Variants in MUSK observed in about 807,000 individuals in gnomAD.
MUSK encodes muscle, skeletal receptor tyrosine-protein kinase.
MUSK carries 55 observed loss-of-function variants against 88.7 expected under a neutral mutation model. That is an observed-to-expected ratio of 0.62 (90% CI 0.50 to 0.78). MUSK has a LOEUF of 0.78. Ranked by LOEUF, MUSK falls within the 30% of genes least tolerant of loss-of-function variation. The pLI is 0.00. For missense variants in MUSK, 1,015 were observed against 1,074.3 expected (o/e 0.94, Z 0.77); for synonymous variants, 387 against 391.9 (o/e 0.99, Z 0.15).
chr9:110,797,606 A>G (rs1161083858), intron 14 of MUSK, among the ~76,000 whole-genome samples: 1 of 152,174 alleles, frequency 6.6e-6, no homozygotes, highest in Admixed American at 6.5e-5. Flanking sequence ...CATTGTAGGC[A>G]CTCTATAAAT....
chr9:110,749,326 G>A (rs890110378), intron 7 of MUSK, among the ~76,000 whole-genome samples: 1 of 152,152 alleles, frequency 6.6e-6, no homozygotes, highest in Non-Finnish European at 1.5e-5. Context: ...AAGAGAGGCA[G>A]GATGTCAGGG....
chr9:110,788,659 G>A (rs1001662296), intron 14 of MUSK, among the ~76,000 whole-genome samples: 1 of 151,156 alleles, frequency 6.6e-6, no homozygotes, highest in Non-Finnish European at 1.5e-5. Context: ...AAAAATCTGT[G>A]CTCTCATAGA....
chr9:110,745,201 G>C (rs889035838), intron 6 of MUSK, among the ~76,000 whole-genome samples: 4 of 152,144 alleles, frequency 2.6e-5, no homozygotes, highest in African/African-American at 9.7e-5. Context: ...ATGAAGTCCA[G>C]GAGAAGAGAC....
chr9:110,687,355 G>A, intron 3 of MUSK, 87 bp downstream of exon 3: 4 of 1,489,782 alleles, frequency 2.7e-6, no homozygotes, highest in Non-Finnish European at 3.7e-6. Context: ...TTTTTTTTGA[G>A]ACAGAGTCTC....
intron 5 of MUSK, among the ~76,000 whole-genome samples, chr9:110,719,936 G>A (rs1033793674): frequency 6.6e-6 from 1 of 151,858 alleles, no homozygotes; most frequent in African/African-American, 2.4e-5. Flanking sequence ...ACTCCAAAAG[G>A]AACCCTCAAA....
chr9:110,737,080 C>T (rs1443198043), intron 6 of MUSK, among the ~76,000 whole-genome samples: 1 of 152,046 alleles, frequency 6.6e-6, no homozygotes, highest in African/African-American at 2.4e-5. Context: ...TTGGAAAACT[C>T]TCTAAGGGTA....
intron 5 of MUSK, among the ~76,000 whole-genome samples, chr9:110,699,520 G>A (rs2131725932): frequency 6.6e-6 from 1 of 152,200 alleles, no homozygotes; most frequent in East Asian, 1.9e-4. Context: ...AGCTCTGAAA[G>A]GTTGACTTCC....
chr9:110,718,864 T>C (rs765107636), intron 5 of MUSK, among the ~76,000 whole-genome samples: 1 of 152,100 alleles, frequency 6.6e-6, no homozygotes, highest in Non-Finnish European at 1.5e-5. Context: ...AAGGAAAATC[T>C]ATCAGAGTAA....
intron 8 of MUSK, among the ~76,000 whole-genome samples, chr9:110,764,634 G>C (rs1309690671): frequency 1.3e-5 from 2 of 151,518 alleles, no homozygotes; most frequent in Non-Finnish European, 3.0e-5. Flanking sequence ...TAGATAGATA[G>C]ATAGGTAGGT....
chr9:110,676,333 CAT>C (rs1261426499), intron 1 of MUSK, among the ~76,000 whole-genome samples: 1 of 75,074 alleles, frequency 1.3e-5, no homozygotes, highest in East Asian at 2.8e-4. Context: ...TATATATACA[CAT>C]ACACACACAT....
chr9:110,680,928 G>C (rs542493222), intron 1 of MUSK, among the ~76,000 whole-genome samples: 52 of 96,374 alleles, frequency 5.4e-4, no homozygotes, highest in African/African-American at 2.3e-3. Context: ...TTTGTATTAT[G>C]TTCTGTATAT....
chr9:110,767,877 T>C lies in MUSK; in HGVS notation c.978T>C (p.Asn326=), dbSNP rs563391603. Residue 326 remains asparagine (N), a synonymous_variant, in exon 9 of 15, where the codon AAT becomes AAC. Transcript: ENST00000374448. ...CCCAGTACAGAGGGGAGGTGTGTAA[T>C]GCAGTCCTGGCAAAAGATGCTCTTG... The part of the protein sequence containing the change: ...YCAQYRGEVC[N]AVLAKDALVF... 7 of 1,613,996 alleles carry C rather than the reference T, an allele frequency of 4.3e-6. No homozygotes were observed. In the East Asian group the frequency reaches 1.1e-4, roughly 26 times the overall value.
intron 3 of MUSK, among the ~76,000 whole-genome samples, chr9:110,691,729 TTTA>T (rs1338156928): frequency 6.6e-6 from 1 of 152,116 alleles, no homozygotes; most frequent in Non-Finnish European, 1.5e-5. Flanking sequence ...ACTTGGGACA[TTTA>T]TTTTTAGTTT....
At chr9:110,745,603 C>A (rs2077166397) in intron 6 of MUSK, among the ~76,000 whole-genome samples, 1 of 152,126 alleles carries the variant, frequency 6.6e-6, no homozygotes, top group South Asian at 2.1e-4. Flanking sequence ...CTTGATCTAA[C>A]TGGGATACTC....
At chr9:110,689,718 T>TAGTTATATATAAATATATAACTATACATA (rs370720549) in intron 3 of MUSK, among the ~76,000 whole-genome samples, 1 of 51,662 alleles carries the variant, frequency 1.9e-5, no homozygotes, top group Non-Finnish European at 2.9e-5. Flanking sequence ...TAACTATATA[T>TAGTTATATATAAATATATAACTATACATA]GTTATATATA....
At chr9:110,714,920 G>A (rs1290419713) in intron 5 of MUSK, among the ~76,000 whole-genome samples, 1 of 137,400 alleles carries the variant, frequency 7.3e-6, no homozygotes, top group Admixed American at 6.9e-5. Context: ...CTGTATAGAT[G>A]AGCATCTATG....
At chr9:110,770,373 A>G (rs2077553563) in intron 9 of MUSK, among the ~76,000 whole-genome samples, 1 of 146,476 alleles carries the variant, frequency 6.8e-6, no homozygotes, top group Admixed American at 6.9e-5. Flanking sequence ...TTAATATGAT[A>G]TAACTAATTA....
At chr9:110,753,573 G>A (rs1396602697) in intron 7 of MUSK, among the ~76,000 whole-genome samples, 1 of 151,952 alleles carries the variant, frequency 6.6e-6, no homozygotes, top group Non-Finnish European at 1.5e-5. Flanking sequence ...TGTTTATCCA[G>A]TCTCAGAGTA....
chr9:110,769,763 G>C (rs1450504260), intron 9 of MUSK, among the ~76,000 whole-genome samples: 1 of 152,098 alleles, frequency 6.6e-6, no homozygotes, highest in Non-Finnish European at 1.5e-5. Flanking sequence ...AGTGACAGTA[G>C]ATTCTATCAG....
Sources: gnomAD v4.1 joint callset for allele counts (sites outside exome capture counted in the v4.1 genomes callset) on GRCh38, gnomAD v4.1.1 for gene constraint, MANE v1.5 for transcripts, NCBI Gene and HGNC (gene_info 2026-07-23, HGNC 2026-07-21) for gene names.